Variants in SRPK2 observed in about 807,000 individuals in gnomAD.
The protein encoded by SRPK2 is SFRS protein kinase 2.
SRPK2 carries 21 observed loss-of-function variants against 90.8 expected under a neutral mutation model. The ratio of observed to expected loss-of-function variants is 0.23; its 90% CI spans 0.16 to 0.33. SRPK2 has a LOEUF of 0.33. Ranked by LOEUF, SRPK2 falls within the 10% of genes least tolerant of loss-of-function variation. The pLI is 1.00. For missense variants in SRPK2, 620 were observed against 869.0 expected (o/e 0.71, Z 3.60); for synonymous variants, 288 against 311.1 (o/e 0.93, Z 0.78).
At chr7:105,124,754 T>C (rs1800922654) in intron 15 of SRPK2, among the ~76,000 whole-genome samples, 1 of 151,778 alleles carries the variant, frequency 6.6e-6, no homozygotes, top group Admixed American at 6.6e-5. Context: ...CACATCAACT[T>C]TAAAAGTTCT....
At chr7:105,346,702 G>A (rs1245304674) in intron 2 of SRPK2, among the ~76,000 whole-genome samples, 1 of 151,824 alleles carries the variant, frequency 6.6e-6, no homozygotes, top group African/African-American at 2.4e-5. Context: ...AGGTTGCAGT[G>A]AGCCAAGATC....
chr7:105,233,083 G>GGAAGGAAA (rs796617196), intron 2 of SRPK2, among the ~76,000 whole-genome samples: 1 of 119,300 alleles, frequency 8.4e-6, no homozygotes, highest in African/African-American at 3.2e-5. Context: ...AGGAAGGAAA[G>GGAAGGAAA]GAAGGAAAGA....
upstream of SRPK2, chr7:105,389,394 C>A: frequency 8.0e-7 from 1 of 1,247,058 alleles, no homozygotes; most frequent in Admixed American, 2.6e-5. Flanking sequence ...TCCTCTCCGG[C>A]AGGCGTGGAA....
chr7:105,385,223 CAAGCTGGAGTGCA>C (rs1821418130), intron 2 of SRPK2, among the ~76,000 whole-genome samples: 1 of 139,226 alleles, frequency 7.2e-6, no homozygotes, highest in Non-Finnish European at 1.5e-5. Context: ...CTCTGTCGCC[CAAGCTGGAGTGCA>C]GTGGCACAAT....
At chr7:105,211,652 T>C (rs1384134641) in intron 2 of SRPK2, among the ~76,000 whole-genome samples, 1 of 152,062 alleles carries the variant, frequency 6.6e-6, no homozygotes, top group Non-Finnish European at 1.5e-5. Flanking sequence ...AGTGGAAATC[T>C]ACCCCCATGA....
chr7:105,231,117 T>G (rs1358077969), intron 2 of SRPK2, among the ~76,000 whole-genome samples: 1 of 152,152 alleles, frequency 6.6e-6, no homozygotes, highest in Non-Finnish European at 1.5e-5. Flanking sequence ...AGTGTCTGTT[T>G]CCTTCTTTGT....
At chr7:105,386,486 G>C (rs1433659981) in intron 2 of SRPK2, among the ~76,000 whole-genome samples, 2 of 152,152 alleles carry the variant, frequency 1.3e-5, no homozygotes, top group Admixed American at 1.3e-4. Flanking sequence ...GGCCGAGGCC[G>C]GTGAATCACC....
At chr7:105,349,226 C>T (rs1816856124) in intron 2 of SRPK2, among the ~76,000 whole-genome samples, 1 of 145,664 alleles carries the variant, frequency 6.9e-6, no homozygotes, top group Non-Finnish European at 1.5e-5. Flanking sequence ...CAAGAACCTA[C>T]GAAAGAATTA....
At chr7:105,186,269 T>G (rs540500242) in intron 3 of SRPK2, among the ~76,000 whole-genome samples, 6 of 152,312 alleles carry the variant, frequency 3.9e-5, no homozygotes, top group South Asian at 4.1e-4. Flanking sequence ...ATGGTGGGGT[T>G]TGGGCTTCCG....
At chr7:105,220,953 G>A (rs949412145) in intron 2 of SRPK2, among the ~76,000 whole-genome samples, 2 of 152,104 alleles carry the variant, frequency 1.3e-5, no homozygotes, top group African/African-American at 4.8e-5. Context: ...AGGTAAATAA[G>A]AGTAGAAAAT....
At chr7:105,254,567 CAT>C (rs1309978272) in intron 2 of SRPK2, among the ~76,000 whole-genome samples, 7 of 152,158 alleles carry the variant, frequency 4.6e-5, no homozygotes, top group African/African-American at 1.7e-4. Flanking sequence ...AGAAAATTTG[CAT>C]ATGTTAAGTA....
intron 11 of SRPK2, among the ~76,000 whole-genome samples, chr7:105,133,368 G>A (rs975925274): frequency 7.9e-5 from 12 of 152,110 alleles, no homozygotes; most frequent in South Asian, 4.1e-4. Context: ...CAGTTTCTTC[G>A]GGTCCAGGTC....
intron 2 of SRPK2, among the ~76,000 whole-genome samples, chr7:105,349,698 A>G (rs1228053723): frequency 1.3e-5 from 2 of 152,150 alleles, no homozygotes; most frequent in African/African-American, 4.8e-5. Flanking sequence ...CAGACACAGC[A>G]GGAAGAAAAG....
At chr7:105,298,394 T>G (rs1447535021) in intron 2 of SRPK2, among the ~76,000 whole-genome samples, 1 of 152,190 alleles carries the variant, frequency 6.6e-6, no homozygotes, top group Non-Finnish European at 1.5e-5. Flanking sequence ...TAGGGAAATT[T>G]GAAAAGCCCA....
chr7:105,126,662 G>T (rs1801259692), intron 14 of SRPK2, among the ~76,000 whole-genome samples: 1 of 152,130 alleles, frequency 6.6e-6, no homozygotes, highest in Admixed American at 6.5e-5. Flanking sequence ...AGAGAAATGG[G>T]CAGCACATCA....
intron 1 of SRPK2, among the ~76,000 whole-genome samples, chr7:105,397,218 A>G (rs1393183104): frequency 6.6e-6 from 1 of 151,886 alleles, no homozygotes; most frequent in African/African-American, 2.4e-5. Context: ...TGGTTTCACC[A>G]TGTTGGCCAG....
At chr7:105,292,099 T>C (rs1050915973) in intron 2 of SRPK2, among the ~76,000 whole-genome samples, 12 of 152,350 alleles carry the variant, frequency 7.9e-5, no homozygotes, top group African/African-American at 2.4e-4. Flanking sequence ...GAGCCTCAGC[T>C]ACCAACACTT....
chr7:105,252,929 G>C (rs1182366549), intron 2 of SRPK2, among the ~76,000 whole-genome samples: 2 of 151,748 alleles, frequency 1.3e-5, no homozygotes, highest in Admixed American at 6.6e-5. Flanking sequence ...TTTTAGTAGA[G>C]ACAAGGTTTC....
chr7:105,295,262 C>A (rs1809641874), intron 2 of SRPK2, among the ~76,000 whole-genome samples: 1 of 151,106 alleles, frequency 6.6e-6, no homozygotes, highest in Non-Finnish European at 1.5e-5. Context: ...AATATTTAAT[C>A]TATCTTTACA....
Sources: allele counts gnomAD v4.1 joint callset (sites outside exome capture counted in the v4.1 genomes callset), GRCh38; gene constraint gnomAD v4.1.1; transcripts MANE v1.5; gene names NCBI Gene and HGNC (gene_info 2026-07-23, HGNC 2026-07-21).